ANK2: variants seen among roughly 807,000 people sequenced by gnomAD.
ANK2 encodes ankyrin-2.
Under a neutral mutation model 360.5 loss-of-function variants are expected in ANK2, and 83 were observed. That is an observed-to-expected ratio of 0.23 (90% CI 0.19 to 0.28). ANK2 has a LOEUF of 0.28. Among genes scored for constraint, ANK2 ranks in the 10% least tolerant of loss-of-function variants. The pLI is 1.00. For missense variants in ANK2, 4,201 were observed against 4,795.7 expected, an observed-to-expected ratio of 0.88 and a Z score of 3.66; for synonymous variants, 1,740 against 1,759.5, an observed-to-expected ratio of 0.99 and a Z score of 0.28.
rs544206434 is a variant in ANK2 at position 112,955,330 on chromosome 4, C to A, written c.21+50816C>A. 2.6e-5 allele frequency among the ~76,000 whole-genome samples: 4 copies of A among 152,162 alleles called. No individual in the cohort carries two copies. In the South Asian group the frequency reaches 8.3e-4, roughly 32 times the overall value. Reference sequence around the variant, plus strand: ...ACCTAGGCCTAAGGATTGCAAAAATCATCTTTTACTTCTAGTATAATTAAA... The same window carrying A: ...ACCTAGGCCTAAGGATTGCAAAAATAATCTTTTACTTCTAGTATAATTAAA... On this transcript the variant is annotated intron_variant, in intron 2 of 30. Transcript: ENST00000503271.
chr4:112,721,369 GTC>G, the ANK2 span, among the ~76,000 whole-genome samples: 2 of 151,870 alleles, frequency 1.3e-5, no homozygotes, highest in Non-Finnish European at 2.9e-5. Flanking sequence ...GTGAAACCCT[GTC>G]TCTACTAAAA....
chr4:112,786,285 T>C, the ANK2 span, among the ~76,000 whole-genome samples: 1 of 151,422 alleles, frequency 6.6e-6, no homozygotes, highest in Non-Finnish European at 1.5e-5. Context: ...TCACTGTGTG[T>C]AAAAATATAT....
At chr4:113,308,684 A>G (rs1219740187) in intron 23 of ANK2, among the ~76,000 whole-genome samples, 2 of 152,230 alleles carry the variant, frequency 1.3e-5, no homozygotes, top group Admixed American at 1.3e-4. Flanking sequence ...CTGCTTGATA[A>G]GTTTGATTGT....
chr4:113,278,748 T>C (rs540129341), intron 17 of ANK2, among the ~76,000 whole-genome samples, 190 bp downstream of exon 17: 1 of 152,304 alleles, frequency 6.6e-6, no homozygotes, highest in South Asian at 2.1e-4. Flanking sequence ...TTTTTAAGAT[T>C]TTTTAAGAGT....
In ANK2 at chr4:113,335,983, A is replaced by T. The variant is rs2153958842; in HGVS notation, c.3517A>T (p.Ser1173Cys). 6.2e-7 allele frequency: 1 copy of T among 1,614,178 alleles called. No homozygotes were observed. Among genetic ancestry groups the T allele is most frequent in the South Asian group, 1.1e-5 (1 of 91,086 alleles). Residue 1173 changes from serine (S) to cysteine (C), a missense_variant, in exon 30 of 46, where the codon AGC becomes TGC. By Grantham distance (112) the Ser-to-Cys change is moderately radical. Coordinates refer to ENST00000357077, the MANE Select transcript of ANK2 (RefSeq NM_001148.6). ...LIGPEGGVLSSTVVPQVQAVF... is the reference protein window; with the variant it reads ...LIGPEGGVLSCTVVPQVQAVF... ...TGGCCCAGAAGGAGGTGTACTGAGCAGCACAGTGGTGCCCCAGGTGCAGGC... is the reference window on the plus strand; with the variant it reads ...TGGCCCAGAAGGAGGTGTACTGAGCTGCACAGTGGTGCCCCAGGTGCAGGC...
At chr4:113,068,205 A>T (rs1264205106) in intron 1 of ANK2, among the ~76,000 whole-genome samples, 1 of 152,320 alleles carries the variant, frequency 6.6e-6, no homozygotes, top group Non-Finnish European at 1.5e-5. Context: ...TCCTGCCCTT[A>T]TGAGTGAATT....
chr4:112,751,537 G>A, the ANK2 span, among the ~76,000 whole-genome samples: 89,423 of 151,706 alleles, frequency 0.59, 27,085 homozygotes, highest in East Asian at 0.92. Flanking sequence ...GGCAGGAAAT[G>A]TCAGGGAAAA....
At chr4:113,293,143 G>A (rs945738467) in intron 21 of ANK2, 5 of 492,576 alleles carry the variant, frequency 1.0e-5, no homozygotes, top group East Asian at 9.3e-5. Context: ...ACTTTCTTAA[G>A]TGCAATACAG....
chr4:113,292,842 G>T (rs962000684), intron 21 of ANK2: 2 of 404,606 alleles, frequency 4.9e-6, no homozygotes, highest in Non-Finnish European at 9.4e-6. Context: ...TCTTAAGGGA[G>T]CACAGTAAGG....
chr4:112,815,208 C>A (rs1298273324), upstream of ANK2, among the ~76,000 whole-genome samples: 2 of 152,094 alleles, frequency 1.3e-5, no homozygotes, highest in African/African-American at 2.4e-5. Context: ...TCTACTTTAA[C>A]TGCATTACTT....
chr4:113,100,911 T>G (rs1475007353), intron 1 of ANK2, among the ~76,000 whole-genome samples: 1 of 152,110 alleles, frequency 6.6e-6, no homozygotes, highest in East Asian at 1.9e-4. Context: ...TATATAACAT[T>G]TTAGAAAAGG....
intron 1 of ANK2, among the ~76,000 whole-genome samples, chr4:113,133,070 T>C (rs2096161890): frequency 6.6e-6 from 1 of 151,920 alleles, no homozygotes; most frequent in Admixed American, 6.6e-5. Flanking sequence ...AAGAGAAAAA[T>C]GGAGTTATAT....
chr4:113,355,895 A>T lies in ANK2; in HGVS notation c.7277A>T (p.Asp2426Val), dbSNP rs1000328456. The change falls in exon 38 of 46, where the codon GAT becomes GTT. Residue 2426 changes from aspartate to valine, a missense_variant. Around this residue, in one of 4 missense-constraint regions of ANK2, gnomAD observed 2,642 missense variants for 2,714.5 expected, o/e 0.97. Transcript: ENST00000357077. Reference protein sequence around the residue: ...RDSEVLSAVADDSLAVSHKDS... With the variant: ...RDSEVLSAVAVDSLAVSHKDS... ...AGCGAAGTCCTCAGCGCTGTGGCTGATGACTCATTAGCAGTGAGCCACAAA... is the reference window on the plus strand; with the variant it reads ...AGCGAAGTCCTCAGCGCTGTGGCTGTTGACTCATTAGCAGTGAGCCACAAA... The T allele has an allele frequency of 6.2e-7, 1 of 1,614,070 alleles. No homozygotes were observed.
intron 2 of ANK2, among the ~76,000 whole-genome samples, chr4:112,925,115 G>A (rs2092356952): frequency 6.6e-6 from 1 of 152,080 alleles, no homozygotes. Context: ...TGGGATTACA[G>A]GCGTGAGCCA....
chr4:113,145,980 G>A (rs531912509), intron 1 of ANK2: 1 of 1,289,792 alleles, frequency 7.8e-7, no homozygotes, highest in African/African-American at 1.5e-5. Flanking sequence ...TAACAGTGAG[G>A]ACGTCAAAGA....
chr4:113,372,510 C>A, intron 43 of ANK2: 2 of 1,448,702 alleles, frequency 1.4e-6, no homozygotes, highest in Admixed American at 3.9e-5. Context: ...TTAAACAAAG[C>A]AATGCTTCCA....
intron 26 of ANK2, among the ~76,000 whole-genome samples, 190 bp downstream of exon 26, chr4:113,318,810 T>C (rs544180681): frequency 2.6e-5 from 4 of 152,246 alleles, no homozygotes; most frequent in African/African-American, 7.2e-5. Flanking sequence ...GCAAAAAAGA[T>C]TGAATTCAGC....
At chr4:113,096,938 A>G (rs1490312319) in intron 1 of ANK2, among the ~76,000 whole-genome samples, 1 of 151,310 alleles carries the variant, frequency 6.6e-6, no homozygotes, top group Non-Finnish European at 1.5e-5. Flanking sequence ...ACTTTGCTTC[A>G]TTGTAAAGTA....
intron 2 of ANK2, among the ~76,000 whole-genome samples, chr4:113,002,738 G>A (rs2051260516): frequency 6.6e-6 from 1 of 152,138 alleles, no homozygotes; most frequent in African/African-American, 2.4e-5. Context: ...CAATACCTAT[G>A]GAGATAAAGT....
Sources: allele counts gnomAD v4.1 joint callset (sites outside exome capture counted in the v4.1 genomes callset), GRCh38; gene constraint gnomAD v4.1.1; regional missense constraint gnomAD v4.1.1; transcripts MANE v1.5; gene names NCBI Gene and HGNC (gene_info 2026-07-23, HGNC 2026-07-21).